Variants in HYDIN observed in about 807,000 individuals in gnomAD.
HYDIN encodes the protein axonemal central pair apparatus protein HYDIN.
A neutral mutation model predicts 403.9 loss-of-function variants in HYDIN; 132 were observed. That is an observed-to-expected ratio of 0.33 (90% CI 0.28 to 0.38). The LOEUF is 0.38. Ranked by LOEUF, HYDIN falls within the 10% of genes least tolerant of loss-of-function variation. HYDIN has a pLI of 1.00. For synonymous variants in HYDIN, 1,202 were observed against 1,891.7 expected (o/e 0.64, Z 9.46); for missense variants, 2,827 against 5,009.5 (o/e 0.56, Z 13.15).
intron 53 of HYDIN, among the ~76,000 whole-genome samples, chr16:70,897,565 G>A (rs536986265): frequency 6.9e-6 from 1 of 145,832 alleles, no homozygotes; most frequent in South Asian, 2.1e-4. Context: ...CCTCCCTCCT[G>A]AGGGATGCCA....
chr16:71,168,896 C>A (rs946978808), intron 5 of HYDIN, among the ~76,000 whole-genome samples: 2 of 152,178 alleles, frequency 1.3e-5, no homozygotes, highest in Non-Finnish European at 2.9e-5. Context: ...TCTCCCTGTA[C>A]ACTGATGATG....
At chr16:71,063,940 T>C (rs1378220742) in intron 16 of HYDIN, among the ~76,000 whole-genome samples, 2 of 145,314 alleles carry the variant, frequency 1.4e-5, no homozygotes, top group Non-Finnish European at 3.1e-5. Context: ...CTAAAGGTGG[T>C]AATTCTCTGC....
chr16:71,012,571 T>G (rs947538399), intron 23 of HYDIN, among the ~76,000 whole-genome samples: 2 of 152,238 alleles, frequency 1.3e-5, no homozygotes, highest in Non-Finnish European at 2.9e-5. Flanking sequence ...CAAAGTCACA[T>G]GCACACATGT....
Position 70,943,702 on chromosome 16 carries a change from G to A in HYDIN, c.6669+110C>T, listed in dbSNP as rs1335174301. The A allele has an allele frequency of 2.0e-5, 29 of 1,423,954 alleles. No homozygotes were observed. In the Admixed American group the frequency reaches 2.4e-4, roughly 12 times the overall value. The allele number at this position is 1,423,954 out of a possible 1,614,324, so 88.2% of individuals were successfully genotyped here. On this transcript the variant is annotated intron_variant, in intron 42 of 85. Coordinates refer to ENST00000393567, the MANE Select transcript of HYDIN (RefSeq NM_001270974.2). Reference sequence around the variant, plus strand: ...AAAGACAAGCAAACGACTGCCTTCCGGGCTGCCGAGCTGCCGTGGGTGGCT... The same window carrying A: ...AAAGACAAGCAAACGACTGCCTTCCAGGCTGCCGAGCTGCCGTGGGTGGCT...
At chr16:71,216,424 G>A (rs574958469) in intron 1 of HYDIN, among the ~76,000 whole-genome samples, 1 of 152,188 alleles carries the variant, frequency 6.6e-6, no homozygotes, top group East Asian at 1.9e-4. Flanking sequence ...TACGTTTCTA[G>A]GAATGTATAC....
intron 55 of HYDIN, chr16:70,893,392 G>C (rs1425934042): frequency 6.6e-6 from 1 of 152,176 alleles, no homozygotes; most frequent in Non-Finnish European, 1.5e-5. Flanking sequence ...GGAATGAAAA[G>C]TGTGGGCACT....
chr16:70,868,686 T>C lies in HYDIN; in HGVS notation c.11194A>G (p.Arg3732Gly). 1 of 1,614,202 alleles carries C rather than the reference T, an allele frequency of 6.2e-7. No individual in the cohort carries two copies. The highest frequency in any genetic ancestry group is 1.3e-5 in the African/African-American group (1 of 75,078). Residue 3732 changes from arginine (R) to glycine (G), a missense_variant, in exon 66 of 86, where the codon AGG becomes GGG. Arg to Gly is a moderately radical substitution (Grantham distance 125). Coordinates refer to ENST00000393567, the MANE Select transcript of HYDIN (RefSeq NM_001270974.2). ...KNMRIRCKLS[R>G]IMFQLPADQV... ...TCTGCAGGGAGCTGAAACATAATCCTGGAGAGCTTGCACCTGATCCGCATA... is the reference window on the plus strand; with the variant it reads ...TCTGCAGGGAGCTGAAACATAATCCCGGAGAGCTTGCACCTGATCCGCATA...
At chr16:70,859,169 C>T (rs1413109390) in intron 71 of HYDIN, among the ~76,000 whole-genome samples, 7 of 152,014 alleles carry the variant, frequency 4.6e-5, no homozygotes, top group East Asian at 3.9e-4. Context: ...GGCGTGGTGG[C>T]GGGCGCTTGT....
intron 35 of HYDIN, among the ~76,000 whole-genome samples, chr16:70,972,048 C>A (rs1458559675): frequency 8.7e-6 from 1 of 114,396 alleles, no homozygotes; most frequent in South Asian, 2.6e-4. Flanking sequence ...TTGAACAAAT[C>A]TATTTTTTTT....
chr16:71,075,137 G>T (rs2082590544), intron 13 of HYDIN, among the ~76,000 whole-genome samples: 1 of 150,714 alleles, frequency 6.6e-6, no homozygotes, highest in Non-Finnish European at 1.5e-5. Context: ...TGGTTTTTGA[G>T]ATAAGTTTCC....
chr16:71,060,773 T>G, intron 17 of HYDIN, 117 bp from the exon 18 acceptor site: 1 of 772,184 alleles, frequency 1.3e-6, no homozygotes, highest in Non-Finnish European at 2.1e-6. Flanking sequence ...CTGGCACCCC[T>G]TCCCACTGGT....
chr16:70,926,894 A>T (rs1268038239), intron 45 of HYDIN, among the ~76,000 whole-genome samples: 1 of 152,250 alleles, frequency 6.6e-6, no homozygotes, highest in Admixed American at 6.5e-5. Context: ...CTCACTGAAA[A>T]AAAGACAGCG....
intron 21 of HYDIN, among the ~76,000 whole-genome samples, chr16:71,021,389 G>A (rs112899049): frequency 1.3e-5 from 2 of 151,476 alleles, no homozygotes; most frequent in East Asian, 1.9e-4. Context: ...GCTAATTTTT[G>A]TATTTTTTGT....
At chr16:70,872,244 G>A (rs1337783919) in intron 64 of HYDIN, 65 bp from the exon 65 acceptor site, 1 of 651,022 alleles carries the variant, frequency 1.5e-6, no homozygotes, top group African/African-American at 2.0e-5. Context: ...GCTGCCTTAA[G>A]GAGGCATAGT....
rs774158826 is a variant in HYDIN, at chr16:71,184,896, A to T, written c.230T>A (p.Leu77His). Residue 77 changes from leucine (L) to histidine (H), a missense_variant, in exon 3 of 86, where the codon CTC becomes CAC. By Grantham distance (99) the Leu-to-His change is moderately conservative (BLOSUM62 -3). Transcript: ENST00000393567. The part of the protein sequence containing the change: ...RLMCRPQIIE[L>H]LDMGETTHQK... ...ATGTGTTGTTTCCCCCATATCTAAG[A>T]GTTCGATGATCTGTGGTCGGCACAT... 7 of 1,608,310 alleles carry T rather than the reference A, an allele frequency of 4.4e-6. No individual in the cohort carries two copies. In the South Asian group the frequency reaches 7.8e-5, roughly 18 times the overall value.
rs926272733 is a variant in HYDIN, at chr16:71,181,196, T to TA, written c.262-2150dup. Among the ~76,000 whole-genome samples the TA allele has an allele frequency of 2.4e-3, 346 of 142,126 alleles. 1 individual carries two copies. Among genetic ancestry groups the TA allele is most frequent in the African/African-American group, 5.1e-3 (200 of 39,110 alleles). The allele number at this position is 142,126 out of a possible 152,430, so 93.2% of individuals were successfully genotyped here. A position where few individuals can be genotyped will look rare whatever the true frequency, so the allele number is the denominator to read the frequency against. On this transcript the variant is annotated intron_variant, in intron 3 of 85. Coordinates refer to ENST00000393567, the MANE Select transcript of HYDIN (RefSeq NM_001270974.2). ...TATCTGAAAATTCAATGCAATACATTAAAAAAAAAAATCCCAGCAGTTTTT... is the reference window on the plus strand; with the variant it reads ...TATCTGAAAATTCAATGCAATACATTAAAAAAAAAAAATCCCAGCAGTTTTT...
At chr16:71,185,563 T>C (rs978177017) in intron 2 of HYDIN, among the ~76,000 whole-genome samples, 1 of 152,138 alleles carries the variant, frequency 6.6e-6, no homozygotes, top group East Asian at 1.9e-4. Context: ...AGACCTCGCT[T>C]TGAAAGAGCT....
rs561736165 is a variant in HYDIN, at chr16:71,229,835, T to G, written c.-24+727A>C. The stretch of plus-strand genomic sequence containing the variant: ...TATTGCAGTAAGTACATGATATGGT[T>G]TGGCTGTGTCCCCACCCAAATATCA... On this transcript the variant is annotated intron_variant, in intron 1 of 85. Coordinates refer to ENST00000393567, the MANE Select transcript of HYDIN (RefSeq NM_001270974.2). Among the ~76,000 whole-genome samples the G allele has an allele frequency of 2.6e-5, 4 of 152,314 alleles. No homozygotes were observed. In the East Asian group the frequency reaches 7.7e-4, roughly 29 times the overall value.
At chr16:70,824,337 T>C (rs1295808055) in intron 83 of HYDIN, among the ~76,000 whole-genome samples, 1 of 152,048 alleles carries the variant, frequency 6.6e-6, no homozygotes, top group Non-Finnish European at 1.5e-5. Flanking sequence ...CCTTCTCTTA[T>C]TTCCCCCATT....
Sources: gnomAD v4.1 joint callset for allele counts (sites outside exome capture counted in the v4.1 genomes callset) on GRCh38, gnomAD v4.1.1 for gene constraint, MANE v1.5 for transcripts, NCBI Gene and HGNC (gene_info 2026-07-23, HGNC 2026-07-21) for gene names.